Variants in JMJD1C observed in about 807,000 individuals in gnomAD.
The protein encoded by JMJD1C is jumonji domain containing 1C, also known as jumonji domain-containing protein 1C.
JMJD1C carries 31 observed loss-of-function variants against 245.3 expected under a neutral mutation model. That is an observed-to-expected ratio of 0.13 (90% confidence interval 0.09 to 0.17). The LOEUF is 0.17. Among genes scored for constraint, JMJD1C ranks in the 10% least tolerant of loss-of-function variants. The probability of loss-of-function intolerance (pLI) is 1.00; values close to 1 mark genes in which losing one functional copy is unlikely to be tolerated. For missense variants in JMJD1C, 2,691 were observed against 3,000.2 expected (o/e 0.90, Z 2.41); for synonymous variants, 1,057 against 1,017.4 (o/e 1.04, Z -0.74).
chr10:63,241,517 C>T (rs917863333), intron 3 of JMJD1C, among the ~76,000 whole-genome samples: 4 of 152,148 alleles, frequency 2.6e-5, no homozygotes, highest in African/African-American at 9.7e-5. Context: ...GGCTTTCACT[C>T]CAAGCTTAAT....
chr10:63,195,193 A>T (rs1285638448), intron 13 of JMJD1C, among the ~76,000 whole-genome samples: 1 of 152,120 alleles, frequency 6.6e-6, no homozygotes, highest in East Asian at 1.9e-4. Context: ...ATTTTTACTA[A>T]AAATAAAAAT....
rs552007700 is a variant in JMJD1C at position 63,169,403 on chromosome 10, A to G, written c.7402-837T>C. Among the ~76,000 whole-genome samples, 324 of 152,338 alleles carry G rather than the reference A, an allele frequency of 2.1e-3. 2 individuals carry two copies. The highest frequency in any genetic ancestry group is 7.6e-3 in the African/African-American group (314 of 41,582). ...CTAGATTGTCTTCTAGTGATATTAA[A>G]AAACATCATAAAAATTCCTGGGAAA... On this transcript the variant is annotated intron_variant, in intron 24 of 25. Transcript: ENST00000399262.
chr10:63,252,890 A>G (rs1370040882), intron 3 of JMJD1C, among the ~76,000 whole-genome samples: 2 of 152,218 alleles, frequency 1.3e-5, no homozygotes, highest in African/African-American at 4.8e-5. Flanking sequence ...TCACATTTAG[A>G]GCAAAGTGAC....
At chr10:63,454,833 T>G (rs1952308214) in intron 1 of JMJD1C, among the ~76,000 whole-genome samples, 1 of 152,244 alleles carries the variant, frequency 6.6e-6, no homozygotes. Flanking sequence ...TGTATCCTCA[T>G]GGTGTAGTTT....
chr10:63,488,903 TCA>T (rs1464505909), intron 1 of JMJD1C, among the ~76,000 whole-genome samples: 5 of 152,212 alleles, frequency 3.3e-5, no homozygotes, highest in Non-Finnish European at 7.3e-5. Flanking sequence ...TATATCCTTA[TCA>T]CAGTCATGTG....
At chr10:63,448,865 C>A (rs1257680123) in intron 1 of JMJD1C, among the ~76,000 whole-genome samples, 4 of 152,164 alleles carry the variant, frequency 2.6e-5, no homozygotes, top group Admixed American at 6.5e-5. Context: ...CACCTGTAAT[C>A]CCAGCACTTT....
At chr10:63,407,993 GAAAAGAGAAACGT>G (rs1190521146) in intron 1 of JMJD1C, among the ~76,000 whole-genome samples, 2 of 152,076 alleles carry the variant, frequency 1.3e-5, no homozygotes, top group African/African-American at 4.8e-5. Context: ...ACAAGTTTCA[GAAAAGAGAAACGT>G]AACAGAGAAA....
intron 2 of JMJD1C, among the ~76,000 whole-genome samples, chr10:63,287,562 T>C (rs566800946): frequency 6.4e-4 from 98 of 152,118 alleles, no homozygotes; most frequent in Admixed American, 9.8e-4. Context: ...CTAAAAGAAA[T>C]AGAAATGTTT....
In JMJD1C at chr10:63,184,655, C is replaced by T; in HGVS notation, c.6914G>A (p.Gly2305Glu). Residue 2305 changes from glycine to glutamate, a missense_variant, in exon 21 of 26, where the codon GGA becomes GAA. Around this residue, in one of 9 missense-constraint regions of JMJD1C, gnomAD observed 232 missense variants for 416.1 expected, o/e 0.56. Coordinates refer to ENST00000399262, the MANE Select transcript of JMJD1C (RefSeq NM_032776.3). ...TCCTAGATCAGGACGTACAAAAAAT[C>T]CTGGCAAATGAGAGGCCAAATTGAA... ...GKFNLASHLPGFFVRPDLGPR... is the reference protein window; with the variant it reads ...GKFNLASHLPEFFVRPDLGPR... 1 of 1,613,972 alleles carries T rather than the reference C, an allele frequency of 6.2e-7. No individual in the cohort carries two copies. Among genetic ancestry groups the T allele is most frequent in the East Asian group, 2.2e-5 (1 of 44,858 alleles).
intron 1 of JMJD1C, among the ~76,000 whole-genome samples, chr10:63,494,251 C>T (rs772359696): frequency 6.6e-6 from 1 of 151,184 alleles, no homozygotes; most frequent in Non-Finnish European, 1.5e-5. Flanking sequence ...GCAGAGGTTG[C>T]GGTGAGCTGA....
At chr10:63,200,724 A>G in intron 10 of JMJD1C, 47 bp from the exon 11 acceptor site, 1 of 1,502,514 alleles carries the variant, frequency 6.7e-7, no homozygotes, top group Non-Finnish European at 9.2e-7. Context: ...CTTTGTAAAA[A>G]GTTAAACTCC....
At chr10:63,407,689 G>A (rs1949247302) in intron 1 of JMJD1C, among the ~76,000 whole-genome samples, 1 of 149,288 alleles carries the variant, frequency 6.7e-6, no homozygotes, top group Non-Finnish European at 1.5e-5. Context: ...AAAATGACAG[G>A]AAGAAAATAG....
chr10:63,427,372 T>C, intron 1 of JMJD1C: 1 of 1,047,122 alleles, frequency 9.5e-7, no homozygotes, highest in Admixed American at 1.9e-5. Flanking sequence ...CTGGCATCAG[T>C]ACCCAAATCC....
intron 1 of JMJD1C, among the ~76,000 whole-genome samples, chr10:63,384,368 ATC>A (rs1947431506): frequency 6.6e-6 from 1 of 152,198 alleles, no homozygotes; most frequent in Non-Finnish European, 1.5e-5. Context: ...AGGAATCACT[ATC>A]TCTGGCAGCT....
At chr10:63,321,286 A>G (rs1031772264) in intron 2 of JMJD1C, among the ~76,000 whole-genome samples, 1 of 152,242 alleles carries the variant, frequency 6.6e-6, no homozygotes, top group African/African-American at 2.4e-5. Context: ...CTAATTGAAC[A>G]TGAGAAGGAG....
At chr10:63,453,231 C>T (rs1451396222) in intron 1 of JMJD1C, among the ~76,000 whole-genome samples, 1 of 152,142 alleles carries the variant, frequency 6.6e-6, no homozygotes, top group Non-Finnish European at 1.5e-5. Flanking sequence ...GCCGAGATGG[C>T]GCCACTGCAC....
chr10:63,311,373 T>C (rs1939177058), intron 2 of JMJD1C, among the ~76,000 whole-genome samples: 1 of 152,076 alleles, frequency 6.6e-6, no homozygotes, highest in South Asian at 2.1e-4. Flanking sequence ...AGTGAGACTC[T>C]GTCTCAAAAA....
intron 3 of JMJD1C, among the ~76,000 whole-genome samples, chr10:63,260,170 AC>A (rs989895976): frequency 1.3e-5 from 2 of 152,198 alleles, no homozygotes; most frequent in African/African-American, 4.8e-5. Flanking sequence ...ATTTTGGACA[AC>A]CACATTCCGT....
chr10:63,441,064 C>A (rs928269945), intron 1 of JMJD1C, among the ~76,000 whole-genome samples: 1 of 152,090 alleles, frequency 6.6e-6, no homozygotes, highest in Non-Finnish European at 1.5e-5. Flanking sequence ...TAACCAGGCA[C>A]AGAGTAGGTG....
Sources: allele counts gnomAD v4.1 joint callset (sites outside exome capture counted in the v4.1 genomes callset), GRCh38; gene constraint gnomAD v4.1.1; regional missense constraint gnomAD v4.1.1; transcripts MANE v1.5; gene names NCBI Gene and HGNC (gene_info 2026-07-23, HGNC 2026-07-21).